The following MINDY4 variants were observed in gnomAD, a reference collection of about 807,000 sequenced individuals.
MINDY4 encodes the protein probable ubiquitin carboxyl-terminal hydrolase MINDY-4.
In MINDY4, 68 loss-of-function variants were observed where a neutral mutation model predicts 87.0. The observed-to-expected ratio is 0.78, with a 90% CI of 0.64 to 0.96. The LOEUF (loss-of-function observed/expected upper bound fraction) is 0.96, where lower values mean the gene tolerates loss of function less well. Among genes scored for constraint, MINDY4 ranks in the 40% least tolerant of loss-of-function variants. The pLI, the probability that MINDY4 is intolerant of heterozygous loss-of-function variation, is 0.00. For synonymous variants in MINDY4, 379 were observed against 363.2 expected (o/e 1.04, Z -0.50); for missense variants, 919 against 928.2 (o/e 0.99, Z 0.13).
At chr7:30,872,689 C>G (rs1339662592) in intron 14 of MINDY4, among the ~76,000 whole-genome samples, 1 of 152,226 alleles carries the variant, frequency 6.6e-6, no homozygotes, top group East Asian at 1.9e-4. Context: ...GCCCTGGCCT[C>G]TTCTATGTTT....
In MINDY4 at chr7:30,882,280, G is replaced by T; in HGVS notation, c.2071G>T (p.Asp691Tyr). ...LFSLQPGLLR[D>Y]WRTERLFDLY... ...TAGCCTGCAGCCGGGGCTCCTGCGT[G>T]ACTGGAGGACTGAGAGGCTCTTTGA... The change falls in exon 16 of 18, where the codon GAC becomes TAC. Residue 691 changes from aspartate (D) to tyrosine (Y), a missense_variant. Physicochemically the swap from Asp to Tyr is radical, Grantham distance 160. Transcript: ENST00000265299. The T allele has an allele frequency of 1.9e-6, 3 of 1,613,986 alleles. No homozygotes were observed. The highest frequency in any genetic ancestry group is 1.7e-6 in the Non-Finnish European group (2 of 1,179,894).
chr7:30,781,168 G>A (rs1344729738), intron 2 of MINDY4: 1 of 152,246 alleles, frequency 6.6e-6, no homozygotes, highest in Non-Finnish European at 1.5e-5. Flanking sequence ...GCAAGACTGG[G>A]TGTCACTGGG....
At chr7:30,797,251 T>G (rs1225799788) in intron 5 of MINDY4, among the ~76,000 whole-genome samples, 2 of 152,202 alleles carry the variant, frequency 1.3e-5, no homozygotes, top group African/African-American at 4.8e-5. Flanking sequence ...GTCCCTGCCC[T>G]CTTGGATCTT....
rs750762230 is a variant in MINDY4 at position 30,782,142 on chromosome 7, G to C, written c.349G>C (p.Val117Leu). The change falls in exon 3 of 18, where the codon GTA becomes CTA. Residue 117 changes from valine (V) to leucine (L), a missense_variant. By Grantham distance (32) the Val-to-Leu change is conservative. Transcript: ENST00000265299. Reference sequence around the variant, plus strand: ...ATCAAGATGCTCAGAGACTACACTGGTAAATATATATGACCTTTCAGATGA... The same window carrying C: ...ATCAAGATGCTCAGAGACTACACTGCTAAATATATATGACCTTTCAGATGA... ...VPSRCSETTL[V>L]NIYDLSDEDA... 6.2e-7 allele frequency: 1 copy of C among 1,614,044 alleles called. No individual in the cohort carries two copies. The highest frequency in any genetic ancestry group is 2.2e-5 in the East Asian group (1 of 44,868).
chr7:30,873,108 C>T (rs370217930), intron 14 of MINDY4, among the ~76,000 whole-genome samples: 13 of 152,220 alleles, frequency 8.5e-5, no homozygotes, highest in Admixed American at 1.3e-4. Flanking sequence ...CCTACGTGGG[C>T]ACCATACAAG....
rs559661787 is a variant in MINDY4 at position 30,779,559 on chromosome 7, G to A, written c.183+1008G>A. 9.2e-5 allele frequency: 14 copies of A among 152,294 alleles called. No individual in the cohort carries two copies. The East Asian group carries it at 2.5e-3, about 27-fold the overall frequency. 9.4% of individuals were successfully genotyped at this position (152,294 alleles called of 1,614,324 possible). A position where few individuals can be genotyped will look rare whatever the true frequency, so the allele number is the denominator to read the frequency against. On this transcript the variant is annotated intron_variant, in intron 2 of 17. Coordinates refer to ENST00000265299, the MANE Select transcript of MINDY4 (RefSeq NM_032222.3). ...AGTCCAATATGCAAAGCAAAGAAGG[G>A]AAAATGCCCTATTTGAAGTGGGGAA...
At chr7:30,828,486 T>TG (rs1470451759) in intron 5 of MINDY4, among the ~76,000 whole-genome samples, 193 bp from the exon 6 acceptor site, 4 of 152,086 alleles carry the variant, frequency 2.6e-5, no homozygotes, top group African/African-American at 4.8e-5. Context: ...ACAAGCATCA[T>TG]GGGGGCTATT....
intron 13 of MINDY4, among the ~76,000 whole-genome samples, chr7:30,871,965 G>A (rs1021958774): frequency 1.8e-4 from 28 of 152,138 alleles, no homozygotes; most frequent in Admixed American, 1.2e-3. Context: ...CGCTTCAGTC[G>A]CTGTTCTCTA....
chr7:30,807,792 C>T (rs576976055), intron 5 of MINDY4, among the ~76,000 whole-genome samples: 163 of 152,308 alleles, frequency 1.1e-3, no homozygotes, highest in African/African-American at 3.7e-3. Flanking sequence ...CCCGCAGTCA[C>T]GTACCCCCTG....
chr7:30,883,653 G>C (rs139822334), intron 17 of MINDY4, among the ~76,000 whole-genome samples: 146 of 152,338 alleles, frequency 9.6e-4, no homozygotes, highest in African/African-American at 3.3e-3. Context: ...CCCTGGGCTG[G>C]TGGTGCGGTA....
Position 30,782,051 on chromosome 7 carries a change from T to C in MINDY4, c.258T>C (p.Ala86=). The change falls in exon 3 of 18, where the codon GCT becomes GCC. Residue 86 remains alanine, a synonymous_variant. Coordinates refer to ENST00000265299, the MANE Select transcript of MINDY4 (RefSeq NM_032222.3). The part of the protein sequence containing the change: ...RYFLDHFGNT[A]NNFTQDTPIP... ...TTCTGGATCACTTTGGAAATACGGC[T>C]AACAATTTCACTCAAGATACCCCAA... The C allele has an allele frequency of 6.2e-7, 1 of 1,614,140 alleles. No homozygotes were observed. Among genetic ancestry groups the C allele is most frequent in the Non-Finnish European group, 8.5e-7 (1 of 1,180,020 alleles).
chr7:30,876,640 T>G (rs1421815494), intron 15 of MINDY4, among the ~76,000 whole-genome samples: 3 of 152,188 alleles, frequency 2.0e-5, no homozygotes, highest in African/African-American at 7.2e-5. Context: ...TGCCTTCTTG[T>G]TCCAGCTGCC....
At chr7:30,814,179 G>T (rs923983650) in intron 5 of MINDY4, among the ~76,000 whole-genome samples, 1 of 152,122 alleles carries the variant, frequency 6.6e-6, no homozygotes, top group Non-Finnish European at 1.5e-5. Flanking sequence ...TTTAATTTTC[G>T]CAAATTTTCC....
chr7:30,833,657 G>A lies in MINDY4; in HGVS notation c.1133-3001G>A, dbSNP rs1220754643. ...AACTCATTTCAGCATTAACCTAAAA[G>A]TCCACAGTTTAAAGTCTCATTTGAG... is the stretch of plus-strand genomic sequence containing the variant. On this transcript the variant is annotated intron_variant, in intron 6 of 17. Transcript: ENST00000265299. 2.0e-4 allele frequency among the ~76,000 whole-genome samples: 30 copies of A among 152,166 alleles called. 1 individual carries two copies. Among genetic ancestry groups the A allele is most frequent in the Admixed American group, 1.8e-3 (28 of 15,278 alleles).
At chr7:30,807,741 CCTGTTCTGTT>C (rs1215190418) in intron 5 of MINDY4, among the ~76,000 whole-genome samples, 1 of 152,276 alleles carries the variant, frequency 6.6e-6, no homozygotes, top group Admixed American at 6.5e-5. Context: ...AAATCCCTGT[CCTGTTCTGTT>C]CTGTTCTGTT....
Position 30,872,372 on chromosome 7 carries a change from C to T in MINDY4, c.1809+66C>T, listed in dbSNP as rs1790133686. 10 of 1,387,718 alleles carry T rather than the reference C, an allele frequency of 7.2e-6. No homozygotes were observed. The South Asian group carries it at 9.5e-5, about 13-fold the overall frequency. The allele number at this position is 1,387,718 out of a possible 1,614,324, so 86.0% of individuals were successfully genotyped here. On this transcript the variant is annotated intron_variant, in intron 14 of 17. Coordinates refer to ENST00000265299, the MANE Select transcript of MINDY4 (RefSeq NM_032222.3). ...CTCTGTCCCTCAGAGAGGGAGAGGT[C>T]CTCCTCCCTCCTCTTGCCCCAGAAA... is the stretch of plus-strand genomic sequence containing the variant.
At chr7:30,857,406 A>G (rs1431820761) in intron 12 of MINDY4, among the ~76,000 whole-genome samples, 1 of 125,046 alleles carries the variant, frequency 8.0e-6, no homozygotes, top group Non-Finnish European at 1.8e-5. Flanking sequence ...CAAGGTGCTT[A>G]TTGTTTTTTC....
At chr7:30,812,279 G>GC (rs5883258) in intron 5 of MINDY4, among the ~76,000 whole-genome samples, 39,046 of 97,370 alleles carry the variant, frequency 0.4, 5,833 homozygotes, top group South Asian at 0.42. Context: ...TGAGGGGGGG[G>GC]GGGTATGTAT....
In MINDY4 at chr7:30,787,617, C is replaced by T. The variant is rs575240866; in HGVS notation, c.663+1625C>T. Reference sequence around the variant, plus strand: ...TGTAGCCTTGCCTAGTAGCTCCAGACAGCACAGCTGGCACCAGTGGATGGA... The same window carrying T: ...TGTAGCCTTGCCTAGTAGCTCCAGATAGCACAGCTGGCACCAGTGGATGGA... On this transcript the variant is annotated intron_variant, in intron 4 of 17. Coordinates refer to ENST00000265299, the MANE Select transcript of MINDY4 (RefSeq NM_032222.3). Among the ~76,000 whole-genome samples, 59 of 152,310 alleles carry T rather than the reference C, an allele frequency of 3.9e-4. No homozygotes were observed. The South Asian group carries it at 0.012, about 30-fold the overall frequency.
Sources: allele counts gnomAD v4.1 joint callset (sites outside exome capture counted in the v4.1 genomes callset), GRCh38; gene constraint gnomAD v4.1.1; transcripts MANE v1.5; gene names NCBI Gene and HGNC (gene_info 2026-07-23, HGNC 2026-07-21).